The following PIEZO1 variants were observed in gnomAD, a reference collection of about 807,000 sequenced individuals.
PIEZO1 encodes piezo type mechanosensitive ion channel component 1 (Er blood group), also known as piezo-type mechanosensitive ion channel component 1.
A neutral mutation model predicts 297.2 loss-of-function variants in PIEZO1; 296 were observed. That is an observed-to-expected ratio of 1.00 (90% CI 0.91 to 1.10). The LOEUF is 1.10. Ranked by LOEUF, PIEZO1 falls within the 50% of genes least tolerant of loss-of-function variation. The pLI, the probability that PIEZO1 is intolerant of heterozygous loss-of-function variation, is 0.00. For missense variants in PIEZO1, 5,018 were observed against 3,455.5 expected, an observed-to-expected ratio of 1.45 and a Z score of -11.34; for synonymous variants, 2,427 against 1,507.5, an observed-to-expected ratio of 1.61 and a Z score of -14.13.
chr16:88,783,055 C>CAGT (rs1352668902), intron 1 of PIEZO1, among the ~76,000 whole-genome samples: 1 of 152,262 alleles, frequency 6.6e-6, no homozygotes, highest in East Asian at 1.9e-4. Flanking sequence ...GACAGACAGT[C>CAGT]AGTCATCACT....
In PIEZO1 at chr16:88,738,313, G is replaced by A. The variant is rs1211808675; in HGVS notation, c.762C>T (p.Cys254=). 9 of 1,535,888 alleles carry A rather than the reference G, an allele frequency of 5.9e-6. No individual in the cohort carries two copies. In the East Asian group the frequency reaches 2.2e-4, roughly 38 times the overall value. ...GFSRLCVAVG[C]FGAGHLICLY... The stretch of plus-strand genomic sequence containing the variant: ...GGCAGATGAGATGGCCGGCGCCGAA[G>A]CACCCCACCGCGACGCAGAGTCTGC... The change falls in exon 7 of 51, where the codon TGC becomes TGT. Residue 254 remains cysteine, a synonymous_variant. Transcript: ENST00000301015.
At position 88,733,316 on chromosome 16, in the gene PIEZO1, C is replaced by A. The variant is rs1164413183; in HGVS notation, c.2626G>T (p.Val876Phe). 1.3e-6 allele frequency: 2 copies of A among 1,549,418 alleles called. No homozygotes were observed. The highest frequency in any genetic ancestry group is 1.7e-6 in the Non-Finnish European group (2 of 1,146,278). Residue 876 changes from valine to phenylalanine, a missense_variant, in exon 19 of 51, where the codon GTT becomes TTT. By Grantham distance (50) the Val-to-Phe change is conservative (BLOSUM62 -1). Coordinates refer to ENST00000301015, the MANE Select transcript of PIEZO1 (RefSeq NM_001142864.4). Reference sequence around the variant, plus strand: ...CTGGAATACTCCTGGGGGTTGACAACCTTGAGCTGGTACAGCATCTTACAC... The same window carrying A: ...CTGGAATACTCCTGGGGGTTGACAAACTTGAGCTGGTACAGCATCTTACAC... ...IVCKMLYQLK[V>F]VNPQEYSSNC...
At chr16:88,750,080 A>G (rs367910715) in intron 1 of PIEZO1, among the ~76,000 whole-genome samples, 2 of 151,566 alleles carry the variant, frequency 1.3e-5, no homozygotes, top group South Asian at 2.1e-4. Flanking sequence ...CACGCCTGTA[A>G]TCCCAGCAGT....
At chr16:88,769,159 C>T (rs987553904) in intron 1 of PIEZO1, among the ~76,000 whole-genome samples, 2 of 152,200 alleles carry the variant, frequency 1.3e-5, no homozygotes, top group Admixed American at 1.3e-4. Flanking sequence ...TGGGACTCAA[C>T]ACAAAATTCT....
At chr16:88,774,807 A>G (rs1238169599) in intron 1 of PIEZO1, among the ~76,000 whole-genome samples, 1 of 152,186 alleles carries the variant, frequency 6.6e-6, no homozygotes, top group Non-Finnish European at 1.5e-5. Flanking sequence ...GCTGCGCAGG[A>G]GCGAACGGTG....
rs143868623 is a variant in PIEZO1 at position 88,761,368 on chromosome 16, C to G, written c.65-11889G>C. 4.3e-3 allele frequency among the ~76,000 whole-genome samples: 655 copies of G among 152,334 alleles called. 6 individuals carry two copies. The highest frequency in any genetic ancestry group is 6.6e-3 in the Non-Finnish European group (450 of 68,036). On this transcript the variant is annotated intron_variant, in intron 1 of 50. Coordinates refer to ENST00000301015, the MANE Select transcript of PIEZO1 (RefSeq NM_001142864.4). ...TGGCACCTGCACATCTGGGCCTGAG[C>G]TCTTGTGGCACTGCCCTGCCCAGGA...
intron 1 of PIEZO1, among the ~76,000 whole-genome samples, chr16:88,766,255 G>C (rs1259847052): frequency 6.6e-6 from 1 of 152,194 alleles, no homozygotes; most frequent in Non-Finnish European, 1.5e-5. Context: ...AGGCAGGGGA[G>C]TGTCGCCTAA....
At chr16:88,763,842 T>C (rs1907037908) in intron 1 of PIEZO1, among the ~76,000 whole-genome samples, 1 of 152,200 alleles carries the variant, frequency 6.6e-6, no homozygotes, top group Admixed American at 6.5e-5. Context: ...GTAAGATTCC[T>C]GAAATGAAGG....
chr16:88,732,680 A>G lies in PIEZO1; in HGVS notation c.2717T>C (p.Leu906Pro). 6.5e-7 allele frequency: 1 copy of G among 1,549,592 alleles called. No individual in the cohort carries two copies. Among genetic ancestry groups the G allele is most frequent in the African/African-American group, 1.4e-5 (1 of 73,160 alleles). Residue 906 changes from leucine (L) to proline (P), a missense_variant, in exon 20 of 51, where the codon CTG (leucine) becomes CCG (proline). Transcript: ENST00000301015. ...GGCAGGGTCCACGGGCCCCCGGTAC[A>G]GCAGGGACTGGCTGATCTCCGTGGG... Reference protein sequence around the residue: ...LLPTEISQSLLYRGPVDPANW... With the variant: ...LLPTEISQSLPYRGPVDPANW...
intron 13 of PIEZO1, 33 bp downstream of exon 13, chr16:88,735,102 G>C: frequency 6.5e-7 from 1 of 1,549,756 alleles, no homozygotes; most frequent in Non-Finnish European, 8.7e-7. Flanking sequence ...GGGCAGGCAG[G>C]AGGGCAACCC....
At position 88,736,391 on chromosome 16, in the gene PIEZO1, G is replaced by A. The variant is rs1348261720; in HGVS notation, c.1314C>T (p.Tyr438=). ...LIAMMVWSIT[Y]HSWLTFVLLL... ...GCAGTACGAAGGTCAGCCAGCTGTG[G>A]TAGGTGATGCTCCATACCTGCGCGG... The change falls in exon 12 of 51, where the codon TAC becomes TAT. Residue 438 remains tyrosine (Y), a synonymous_variant. Coordinates refer to ENST00000301015, the MANE Select transcript of PIEZO1 (RefSeq NM_001142864.4). 6 of 1,549,042 alleles carry A rather than the reference G, an allele frequency of 3.9e-6. No individual in the cohort carries two copies. In the African/African-American group the frequency reaches 6.8e-5, roughly 18 times the overall value.
chr16:88,756,287 C>A (rs565102533), intron 1 of PIEZO1, among the ~76,000 whole-genome samples: 1 of 152,156 alleles, frequency 6.6e-6, no homozygotes, highest in Non-Finnish European at 1.5e-5. Flanking sequence ...AACCTGGGTG[C>A]CTAGAAGGAT....
chr16:88,776,114 C>T (rs1036484919), intron 1 of PIEZO1, among the ~76,000 whole-genome samples: 2 of 152,170 alleles, frequency 1.3e-5, no homozygotes, highest in African/African-American at 4.8e-5. Flanking sequence ...ACCCAGGACC[C>T]GAGATCCCAC....
At chr16:88,725,889 A>T in intron 27 of PIEZO1, 1 of 584,704 alleles carries the variant, frequency 1.7e-6, no homozygotes, top group Non-Finnish European at 3.1e-6. Context: ...GTACAGATGC[A>T]GGGGCGTCTG....
chr16:88,770,515 G>A (rs375940857), intron 1 of PIEZO1, among the ~76,000 whole-genome samples: 1 of 152,232 alleles, frequency 6.6e-6, no homozygotes, highest in Non-Finnish European at 1.5e-5. Context: ...CCTCAGGGGC[G>A]GCTCCAGAAC....
chr16:88,733,272 C>T lies in PIEZO1; in HGVS notation c.2664+6G>A, dbSNP rs1040032677. ...TCCTCCCGTCCCAGCCCTCGGGGGCCGGTACCTCGGTGCAGTTGCTGGAAT... is the reference window on the plus strand; with the variant it reads ...TCCTCCCGTCCCAGCCCTCGGGGGCTGGTACCTCGGTGCAGTTGCTGGAAT... On this transcript the variant is annotated splice_donor_region_variant and intron_variant, in intron 19 of 50. Transcript: ENST00000301015. 24 of 1,536,408 alleles carry T rather than the reference C, an allele frequency of 1.6e-5. No individual in the cohort carries two copies. Among genetic ancestry groups the T allele is most frequent in the Middle Eastern group, 1.7e-4 (1 of 5,960 alleles).
Position 88,732,633 on chromosome 16 carries a change from C to G in PIEZO1, c.2764G>C (p.Gly922Arg), listed in dbSNP as rs765114227. The G allele has an allele frequency of 1.3e-6, 2 of 1,549,626 alleles. No individual in the cohort carries two copies. The highest frequency in any genetic ancestry group is 2.7e-5 in the African/African-American group (2 of 73,168). The change falls in exon 20 of 51, where the codon GGG becomes CGG. Residue 922 changes from glycine to arginine, a missense_variant. By Grantham distance (125) the Gly-to-Arg change is moderately radical. Transcript: ENST00000301015. ...DPANWFGVRK[G>R]FPNLGYIQNH... ...TGGATGTAGCCCAGGTTGGGGAACC[C>G]TTTCCGCACCCCAAACCAGTTGGCA...
chr16:88,772,578 A>G (rs1907473152), intron 1 of PIEZO1, among the ~76,000 whole-genome samples: 1 of 152,186 alleles, frequency 6.6e-6, no homozygotes. Context: ...CAACAGATCA[A>G]GACCATCCTG....
chr16:88,725,212 G>T, intron 29 of PIEZO1, 132 bp from the exon 30 acceptor site: 1 of 722,104 alleles, frequency 1.4e-6, no homozygotes. Flanking sequence ...GGGCCGTGTG[G>T]GGCCATGGGG....
Sources: gnomAD v4.1 joint callset for allele counts (sites outside exome capture counted in the v4.1 genomes callset) on GRCh38, gnomAD v4.1.1 for gene constraint, MANE v1.5 for transcripts, NCBI Gene and HGNC (gene_info 2026-07-23, HGNC 2026-07-21) for gene names.